The following CHD1 variants were observed in gnomAD, a reference collection of about 807,000 sequenced individuals.
CHD1 encodes ATP-dependent chromatin remodeler CHD1.
Under a neutral mutation model 224.2 loss-of-function variants are expected in CHD1, and 36 were observed. The ratio of observed to expected loss-of-function variants is 0.16; its 90% CI spans 0.12 to 0.21. The LOEUF (loss-of-function observed/expected upper bound fraction) is 0.21, where lower values mean the gene tolerates loss of function less well. Ranked by LOEUF, CHD1 falls within the 10% of genes least tolerant of loss-of-function variation. The pLI, the probability that CHD1 is intolerant of heterozygous loss-of-function variation, is 1.00. For missense variants in CHD1, 1,378 were observed against 1,994.8 expected (o/e 0.69, Z 5.89); for synonymous variants, 668 against 658.3 (o/e 1.01, Z -0.23).
At chr5:98,859,750 A>G (rs1008603010) in intron 33 of CHD1, among the ~76,000 whole-genome samples, 2 of 152,136 alleles carry the variant, frequency 1.3e-5, no homozygotes, top group African/African-American at 4.8e-5. Flanking sequence ...TATAACTAAT[A>G]AACATTTCAG....
chr5:98,882,160 A>G, intron 19 of CHD1, 37 bp from the exon 20 acceptor site: 1 of 1,583,106 alleles, frequency 6.3e-7, no homozygotes, highest in Non-Finnish European at 8.6e-7. Flanking sequence ...ATTGCAGTAT[A>G]AAGGATTTGT....
At chr5:98,863,379 T>A in intron 32 of CHD1, 29 bp downstream of exon 32, 1 of 1,327,168 alleles carries the variant, frequency 7.5e-7, no homozygotes, top group Non-Finnish European at 1.0e-6. Context: ...AATATAAATT[T>A]AACACTTCCT....
intron 2 of CHD1, among the ~76,000 whole-genome samples, chr5:98,906,635 T>TTTAA (rs1390492228): frequency 6.6e-6 from 1 of 152,200 alleles, no homozygotes; most frequent in Admixed American, 6.5e-5. Context: ...CTTTGCTATG[T>TTTAA]TTAAGACAAC....
rs1750842336 is a variant in CHD1, at chr5:98,889,136, A to G, written c.2283T>C (p.His761=). 1.2e-6 allele frequency: 2 copies of G among 1,607,930 alleles called. No homozygotes were observed. The highest frequency in any genetic ancestry group is 1.7e-6 in the Non-Finnish European group (2 of 1,174,692). The change falls in exon 16 of 36, where the codon CAT becomes CAC. Residue 761 remains histidine, a synonymous_variant. Transcript: ENST00000614616. ...TATCTGGTGGTTTAATGAGGTAGCA[A>G]TGGTTACAACATTTCTTTAGCTCCA... ...IMMELKKCCN[H]CYLIKPPDNN...
At chr5:98,862,307 T>C (rs1035354659) in intron 32 of CHD1, among the ~76,000 whole-genome samples, 1 of 152,160 alleles carries the variant, frequency 6.6e-6, no homozygotes, top group African/African-American at 2.4e-5. Flanking sequence ...ATAAGGAATA[T>C]GAAATCAAAG....
intron 2 of CHD1, among the ~76,000 whole-genome samples, chr5:98,905,538 A>C (rs1751993004): frequency 6.6e-6 from 1 of 152,162 alleles, no homozygotes; most frequent in Admixed American, 6.5e-5. Flanking sequence ...AAAAATTCTT[A>C]CAGTAACAGG....
At chr5:98,865,600 G>C (rs1748802665) in intron 31 of CHD1, among the ~76,000 whole-genome samples, 1 of 152,158 alleles carries the variant, frequency 6.6e-6, no homozygotes, top group Non-Finnish European at 1.5e-5. Context: ...GCTCTTTCTT[G>C]ACTGCTAAAT....
chr5:98,881,305 G>A lies in CHD1; in HGVS notation c.2938C>T (p.Pro980Ser). The change falls in exon 21 of 36, where the codon CCT becomes TCT. Residue 980 changes from proline to serine, a missense_variant. Physicochemically the swap from Pro to Ser is moderately conservative, Grantham distance 74. Transcript: ENST00000614616. Reference sequence around the variant, plus strand: ...TGGGGCTCTTGTTCTTCTCCTTCAGGTTCCTTAAAAAGTTCTTCAGCACCA... The same window carrying A: ...TGGGGCTCTTGTTCTTCTCCTTCAGATTCCTTAAAAAGTTCTTCAGCACCA... ...KFGAEELFKE[P>S]EGEEQEPQEM... 7.1e-7 allele frequency: 1 copy of A among 1,410,016 alleles called. No individual in the cohort carries two copies. Among genetic ancestry groups the A allele is most frequent in the Non-Finnish European group, 9.5e-7 (1 of 1,054,654 alleles). The allele number at this position is 1,410,016 out of a possible 1,614,324, so 87.3% of individuals were successfully genotyped here. A position where few individuals can be genotyped will look rare whatever the true frequency, so the allele number is the denominator to read the frequency against.
chr5:98,883,403 A>G (rs1385332104), intron 18 of CHD1, among the ~76,000 whole-genome samples, 166 bp from the exon 19 acceptor site: 1 of 152,222 alleles, frequency 6.6e-6, no homozygotes, highest in Non-Finnish European at 1.5e-5. Context: ...TATTAACACC[A>G]AATTCAATAC....
chr5:98,876,337 TAC>T (rs1749754085), intron 24 of CHD1, 59 bp downstream of exon 24: 7 of 1,511,484 alleles, frequency 4.6e-6, no homozygotes, highest in Non-Finnish European at 6.3e-6. Context: ...ACGGCGTTTT[TAC>T]ATTTTAGTTT....
At chr5:98,920,820 T>A (rs565397959) in intron 2 of CHD1, among the ~76,000 whole-genome samples, 64 of 145,186 alleles carry the variant, frequency 4.4e-4, no homozygotes, top group African/African-American at 1.6e-3. Flanking sequence ...AAAAGACAAA[T>A]CTAGATTTCA....
chr5:98,902,431 A>T (rs975586654), intron 5 of CHD1, among the ~76,000 whole-genome samples: 18 of 152,250 alleles, frequency 1.2e-4, no homozygotes, highest in Middle Eastern at 3.4e-3. Context: ...TGAGAATCTG[A>T]AGTATTCTTA....
At chr5:98,923,815 T>C (rs1303740043) in intron 2 of CHD1, among the ~76,000 whole-genome samples, 1 of 152,208 alleles carries the variant, frequency 6.6e-6, no homozygotes, top group African/African-American at 2.4e-5. Flanking sequence ...AACAGGTAAG[T>C]AGTCAGAATA....
intron 34 of CHD1, chr5:98,858,707 T>C (rs1430609969): frequency 4.7e-6 from 2 of 423,690 alleles, no homozygotes; most frequent in Non-Finnish European, 8.3e-6. Context: ...TTGTTCATTT[T>C]AACAGTCATT....
intron 31 of CHD1, among the ~76,000 whole-genome samples, chr5:98,864,867 T>C (rs1485904728): frequency 6.6e-6 from 1 of 152,228 alleles, no homozygotes; most frequent in African/African-American, 2.4e-5. Flanking sequence ...TTTGGCAGTT[T>C]ATATTCTGTT....
intron 15 of CHD1, among the ~76,000 whole-genome samples, chr5:98,890,114 T>C (rs996514933): frequency 5.3e-5 from 8 of 152,290 alleles, no homozygotes; most frequent in Admixed American, 2.6e-4. Context: ...ACTACCTGGA[T>C]GCAATATTAC....
intron 32 of CHD1, among the ~76,000 whole-genome samples, chr5:98,862,593 T>A (rs1381357965): frequency 3.3e-5 from 5 of 152,240 alleles, no homozygotes; most frequent in African/African-American, 4.8e-5. Flanking sequence ...TGCTCATTTT[T>A]AAATTTACTT....
chr5:98,908,044 T>A (rs1297385910), intron 2 of CHD1, among the ~76,000 whole-genome samples: 1 of 152,200 alleles, frequency 6.6e-6, no homozygotes, highest in Non-Finnish European at 1.5e-5. Context: ...AAAAAGCTGA[T>A]GGTGGCCTTT....
chr5:98,884,694 TTTG>T (rs1750519259), intron 18 of CHD1, among the ~76,000 whole-genome samples: 1 of 151,642 alleles, frequency 6.6e-6, no homozygotes, highest in Admixed American at 6.6e-5. Context: ...AGTGGGCTAC[TTTG>T]TTGTTTTTGG....
Sources: gnomAD v4.1 joint callset for allele counts (sites outside exome capture counted in the v4.1 genomes callset) on GRCh38, gnomAD v4.1.1 for gene constraint, MANE v1.5 for transcripts, NCBI Gene and HGNC (gene_info 2026-07-23, HGNC 2026-07-21) for gene names.